IST1: variants seen among roughly 807,000 people sequenced by gnomAD.
The protein encoded by IST1 is IST1 homolog.
A neutral mutation model predicts 37.0 loss-of-function variants in IST1; 23 were observed. That is an observed-to-expected ratio of 0.62 (90% CI 0.45 to 0.88). The LOEUF is 0.88. IST1 is among the 40% of genes least tolerant of loss of function. The pLI is 0.00. For synonymous variants in IST1, 180 were observed against 161.7 expected (o/e 1.11, Z -0.86); for missense variants, 488 against 445.4 (o/e 1.10, Z -0.86).
At position 71,928,534 on chromosome 16, in the gene IST1, A is replaced by T. The variant is rs2037808291; in HGVS notation, c.*721A>T. 1 of 152,638 alleles carries T rather than the reference A, an allele frequency of 6.6e-6. No individual in the cohort carries two copies. The allele number at this position is 152,638 out of a possible 1,614,324, so 9.5% of individuals were successfully genotyped here. On this transcript the variant is annotated 3_prime_UTR_variant, in exon 10 of 10. Transcript: ENST00000378799. Reference sequence around the variant, plus strand: ...TGTACCAGAGGGCGGCACCGTGGAAATTCTGTTTTCCCTGTAGCATATTGT... The same window carrying T: ...TGTACCAGAGGGCGGCACCGTGGAATTTCTGTTTTCCCTGTAGCATATTGT...
At chr16:71,898,858 G>A (rs887273257) in intron 1 of IST1, among the ~76,000 whole-genome samples, 44 of 151,528 alleles carry the variant, frequency 2.9e-4, no homozygotes, top group Non-Finnish European at 1.8e-4. Flanking sequence ...CCAGCTACTC[G>A]GGAGGCTGAG....
chr16:71,913,220 C>T (rs1036127063), intron 1 of IST1, among the ~76,000 whole-genome samples: 6 of 151,768 alleles, frequency 4.0e-5, no homozygotes, highest in African/African-American at 1.2e-4. Flanking sequence ...TTTGCAATCC[C>T]ACCAACAGTG....
chr16:71,924,897 G>T, intron 9 of IST1, 80 bp downstream of exon 9: 1 of 1,008,770 alleles, frequency 9.9e-7, no homozygotes, highest in South Asian at 1.3e-5. Context: ...CTCCCTTAGA[G>T]ACTGTTTCCA....
Position 71,929,612 on chromosome 16 carries a change from G to A in IST1, c.*1799G>A. On this transcript the variant is annotated 3_prime_UTR_variant, in exon 10 of 10. Transcript: ENST00000378799. ...GCTGCTTGCTCAGATGAGGTTTTTT[G>A]GGGCCAACTGATTCCTAACAAATTT... 1 of 1,551,672 alleles carries A rather than the reference G, an allele frequency of 6.4e-7. No individual in the cohort carries two copies. Among genetic ancestry groups the A allele is most frequent in the African/African-American group, 1.4e-5 (1 of 73,026 alleles).
chr16:71,894,808 G>A (rs532519162), upstream of IST1: 27 of 1,531,178 alleles, frequency 1.8e-5, no homozygotes, highest in African/African-American at 3.4e-4. Flanking sequence ...GTGCTGGGAA[G>A]GTCCCTTCCA....
Position 71,930,585 on chromosome 16 carries a change from A to G in IST1, c.*2772A>G, listed in dbSNP as rs981804049. The G allele has an allele frequency of 6.5e-6, 1 of 154,290 alleles. No homozygotes were observed. Among genetic ancestry groups the G allele is most frequent in the Non-Finnish European group, 1.4e-5 (1 of 69,480 alleles). 9.6% of individuals were successfully genotyped at this position (154,290 alleles called of 1,614,324 possible). A position where few individuals can be genotyped will look rare whatever the true frequency, so the allele number is the denominator to read the frequency against. On this transcript the variant is annotated 3_prime_UTR_variant, in exon 10 of 10. Transcript: ENST00000378799. ...ACTGTCTCTGCCATATCAAGAAACTACAACCCTAAACACAGGAGCATTCCA... is the reference window on the plus strand; with the variant it reads ...ACTGTCTCTGCCATATCAAGAAACTGCAACCCTAAACACAGGAGCATTCCA...
At chr16:71,902,350 A>G (rs142428477) in intron 1 of IST1, among the ~76,000 whole-genome samples, 20,974 of 151,132 alleles carry the variant, frequency 0.14, 1,780 homozygotes, top group South Asian at 0.39. Flanking sequence ...GCTCACTGCA[A>G]CCTCCACCTC....
intron 1 of IST1, among the ~76,000 whole-genome samples, chr16:71,900,327 C>CTTTTTTTTTTTTT (rs201344260): frequency 9.9e-5 from 10 of 100,506 alleles, no homozygotes; most frequent in East Asian, 4.0e-4. Context: ...CTTAGGAAGT[C>CTTTTTTTTTTTTT]TTTTTTTTTT....
At chr16:71,910,903 G>A (rs950187669) in intron 1 of IST1, among the ~76,000 whole-genome samples, 31 of 152,060 alleles carry the variant, frequency 2.0e-4, no homozygotes, top group African/African-American at 7.2e-4. Context: ...GTTTTTATAG[G>A]CCCCTTCTCC....
At chr16:71,908,440 C>T (rs2037277623) in intron 1 of IST1, among the ~76,000 whole-genome samples, 1 of 151,706 alleles carries the variant, frequency 6.6e-6, no homozygotes, top group African/African-American at 2.4e-5. Context: ...GCTGGGACTA[C>T]AGGCGTGTGC....
Position 71,903,642 on chromosome 16 carries a change from T to G in IST1, c.-16+8053T>G, listed in dbSNP as rs796518787. On this transcript the variant is annotated intron_variant, in intron 1 of 9. Coordinates refer to ENST00000378799, the MANE Select transcript of IST1 (RefSeq NM_001270975.2). The stretch of plus-strand genomic sequence containing the variant: ...CTGGTCCCTTGGCCTCAAACGATCC[T>G]TCTACCTCAGCCTCTCAAGTAGCTG... The G allele has an allele frequency of 9.0e-4, 137 of 152,334 alleles. 1 individual carries two copies. Among genetic ancestry groups the G allele is most frequent in the African/African-American group, 3.1e-3 (127 of 41,572 alleles). The allele number at this position is 152,334 out of a possible 1,614,324, so 9.4% of individuals were successfully genotyped here. A position where few individuals can be genotyped will look rare whatever the true frequency, so the allele number is the denominator to read the frequency against.
In IST1 at chr16:71,920,786, A is replaced by G. The variant is rs866591192; in HGVS notation, c.405A>G (p.Leu135=). 1.3e-5 allele frequency: 21 copies of G among 1,613,930 alleles called. No individual in the cohort carries two copies. In the Middle Eastern group the frequency reaches 2.0e-3, roughly 152 times the overall value. The part of the protein sequence containing the change: ...CAKYSKEYGK[L]CRTNQIGTVN... The stretch of plus-strand genomic sequence containing the variant: ...AGTATAGCAAGGAATATGGCAAGCT[A>G]TGTAGGACCAACCAGATTGGAACTG... The change falls in exon 5 of 10, where the codon CTA becomes CTG. Residue 135 remains leucine, a synonymous_variant. Transcript: ENST00000378799.
chr16:71,894,974 C>T, upstream of IST1: 3 of 750,012 alleles, frequency 4.0e-6, no homozygotes, highest in Non-Finnish European at 4.4e-6. Flanking sequence ...CGATGCTGGT[C>T]CAAAGGGCAA....
Position 71,928,857 on chromosome 16 carries a change from C to T in IST1, c.*1044C>T, listed in dbSNP as rs1415894207. On this transcript the variant is annotated 3_prime_UTR_variant, in exon 10 of 10. Coordinates refer to ENST00000378799, the MANE Select transcript of IST1 (RefSeq NM_001270975.2). ...GCCCATAGCTAAGGTCATCCTTCCC[C>T]ACAGGGGTGGCTTTGGGATTGGATG... 5.9e-5 allele frequency: 9 copies of T among 152,202 alleles called. No individual in the cohort carries two copies. The highest frequency in any genetic ancestry group is 3.2e-3 in the Middle Eastern group (1 of 316). 9.4% of individuals were successfully genotyped at this position (152,202 alleles called of 1,614,324 possible).
intron 1 of IST1, among the ~76,000 whole-genome samples, chr16:71,911,059 G>A (rs2037343074): frequency 6.6e-6 from 1 of 152,058 alleles, no homozygotes; most frequent in Non-Finnish European, 1.5e-5. Context: ...GTCCAACATG[G>A]TGAAACCCCG....
chr16:71,918,241 AC>A (rs1323738583), intron 4 of IST1, among the ~76,000 whole-genome samples: 1 of 152,166 alleles, frequency 6.6e-6, no homozygotes, highest in Non-Finnish European at 1.5e-5. Flanking sequence ...TAGAAGACTT[AC>A]ACTTAATTCT....
chr16:71,923,396 TC>T lies in IST1; in HGVS notation c.852+17del, dbSNP rs773933957. On this transcript the variant is annotated intron_variant, in intron 8 of 9. Coordinates refer to ENST00000378799, the MANE Select transcript of IST1 (RefSeq NM_001270975.2). ...GTATGAATCTGTAAGTGCCTGAGCC[TC>T]TTTTATAAGCAACAGGAGAGTGAAT... 3.3e-6 allele frequency: 5 copies of T among 1,511,926 alleles called. No individual in the cohort carries two copies. In the Middle Eastern group the frequency reaches 5.2e-4, roughly 156 times the overall value. 93.7% of individuals were successfully genotyped at this position (1,511,926 alleles called of 1,614,324 possible). A position where few individuals can be genotyped will look rare whatever the true frequency, so the allele number is the denominator to read the frequency against.
upstream of IST1, chr16:71,894,585 A>T: frequency 2.5e-6 from 1 of 402,470 alleles, no homozygotes; most frequent in East Asian, 4.9e-5. Context: ...GAGTGCTGTG[A>T]CGTGATCACG....
Position 71,929,456 on chromosome 16 carries a change from A to G in IST1, c.*1643A>G, listed in dbSNP as rs952237174. The stretch of plus-strand genomic sequence containing the variant: ...TAACTTACAGAATTAAAAACAAAGT[A>G]TATTATAATTTTAAAGCTATGCCAT... On this transcript the variant is annotated 3_prime_UTR_variant, in exon 10 of 10. Coordinates refer to ENST00000378799, the MANE Select transcript of IST1 (RefSeq NM_001270975.2). 9.1e-6 allele frequency: 12 copies of G among 1,315,212 alleles called. No individual in the cohort carries two copies. The East Asian group carries it at 2.3e-4, about 25-fold the overall frequency. 81.5% of individuals were successfully genotyped at this position (1,315,212 alleles called of 1,614,324 possible).
Sources: gnomAD v4.1 joint callset for allele counts (sites outside exome capture counted in the v4.1 genomes callset) on GRCh38, gnomAD v4.1.1 for gene constraint, MANE v1.5 for transcripts, NCBI Gene and HGNC (gene_info 2026-07-23, HGNC 2026-07-21) for gene names.